PM20D2: variants seen among roughly 807,000 people sequenced by gnomAD.
The protein encoded by PM20D2 is peptidase M20 domain containing 2, also known as xaa-Arg dipeptidase.
Under a neutral mutation model 42.9 loss-of-function variants are expected in PM20D2, and 33 were observed. The observed-to-expected ratio is 0.77, with a 90% CI of 0.58 to 1.03. The LOEUF (loss-of-function observed/expected upper bound fraction) is 1.03, where lower values mean the gene tolerates loss of function less well. PM20D2 is among the 50% of genes least tolerant of loss of function. The pLI, the probability that PM20D2 is intolerant of heterozygous loss-of-function variation, is 0.00. For missense variants in PM20D2, 548 were observed against 557.0 expected, an observed-to-expected ratio of 0.98 and a Z score of 0.16; for synonymous variants, 250 against 228.2, an observed-to-expected ratio of 1.10 and a Z score of -0.86.
chr6:89,141,832 T>C (rs1227122413), upstream of PM20D2, among the ~76,000 whole-genome samples: 1 of 152,188 alleles, frequency 6.6e-6, no homozygotes, highest in Non-Finnish European at 1.5e-5. Flanking sequence ...GAGACAAAAG[T>C]CTCACTCTGT....
At chr6:89,127,904 AT>A in the PM20D2 span, among the ~76,000 whole-genome samples, 1 of 152,210 alleles carries the variant, frequency 6.6e-6, no homozygotes, top group African/African-American at 2.4e-5. Context: ...TACTTTTATA[AT>A]TTTTATGCCT....
At position 89,146,669 on chromosome 6, in the gene PM20D2, A is replaced by G. The variant is rs979563604; in HGVS notation, c.465+60A>G. ...CTGCCCGGGTCGGGGGCGACCCGGG[A>G]AGGGCGGGACTCTCGTGCGTCCCGC... On this transcript the variant is annotated intron_variant, in intron 1 of 6. Coordinates refer to ENST00000275072, the MANE Select transcript of PM20D2 (RefSeq NM_001010853.3). The G allele has an allele frequency of 3.1e-5, 40 of 1,291,950 alleles. No homozygotes were observed. In the Middle Eastern group the frequency reaches 1.9e-3, roughly 63 times the overall value. The allele number at this position is 1,291,950 out of a possible 1,614,324, so 80.0% of individuals were successfully genotyped here. A position where few individuals can be genotyped will look rare whatever the true frequency, so the allele number is the denominator to read the frequency against.
chr6:89,114,230 C>CT, the PM20D2 span, among the ~76,000 whole-genome samples: 1 of 152,274 alleles, frequency 6.6e-6, no homozygotes, highest in African/African-American at 2.4e-5. Flanking sequence ...GAGTTCGAGA[C>CT]CAGCCTGGCC....
chr6:89,127,755 TA>T, the PM20D2 span, among the ~76,000 whole-genome samples: 1 of 152,364 alleles, frequency 6.6e-6, no homozygotes, highest in African/African-American at 2.4e-5. Context: ...TGGGACTATT[TA>T]AATTTAAAAT....
chr6:89,162,367 T>TTTACTC lies in PM20D2; in HGVS notation c.*104_*105insTTACTC. ...TTTTTTAATCTTAAAGGAGTAAAAT[T>TTTACTC]CTTTTTACCTGATAAGTGAGGACAG... On this transcript the variant is annotated 3_prime_UTR_variant, in exon 7 of 7. Transcript: ENST00000275072. 8.7e-7 allele frequency: 1 copy of TTTACTC among 1,152,012 alleles called. No individual in the cohort carries two copies. The highest frequency in any genetic ancestry group is 1.2e-6 in the Non-Finnish European group (1 of 828,434). 71.4% of individuals were successfully genotyped at this position (1,152,012 alleles called of 1,614,324 possible).
chr6:89,122,950 T>C, the PM20D2 span, among the ~76,000 whole-genome samples: 2 of 152,326 alleles, frequency 1.3e-5, no homozygotes, highest in Non-Finnish European at 1.5e-5. Flanking sequence ...ACACAATCAG[T>C]TGGAGAATCT....
rs370935093 is a variant in PM20D2 at position 89,159,530 on chromosome 6, A to G, written c.1048+1070A>G. ...TGGGTCTCACTTCTCTACCCAGGGC[A>G]TTGACTGCTGAGATAGTGGAAGTAG... is the stretch of plus-strand genomic sequence containing the variant. On this transcript the variant is annotated intron_variant, in intron 5 of 6. Coordinates refer to ENST00000275072, the MANE Select transcript of PM20D2 (RefSeq NM_001010853.3). 9.8e-5 allele frequency among the ~76,000 whole-genome samples: 15 copies of G among 152,316 alleles called. 2 individuals are homozygous for G. The highest frequency in any genetic ancestry group is 3.9e-4 in the Admixed American group (6 of 15,292).
Position 89,146,604 on chromosome 6 carries a change from G to A in PM20D2, c.460G>A (p.Val154Met). The A allele has an allele frequency of 6.9e-7, 1 of 1,440,338 alleles. No homozygotes were observed. The highest frequency in any genetic ancestry group is 9.1e-7 in the Non-Finnish European group (1 of 1,103,298). 89.2% of individuals were successfully genotyped at this position (1,440,338 alleles called of 1,614,324 possible). ...GGGCCTCCCCAGGCCGCCTCCGCCC[G>A]TGAAGGTGAGGTGGGGCCCGGGTGC... ...LEGLPRPPPP[V>M]KVVVLGTPAE... Residue 154 changes from valine (V) to methionine (M), a missense_variant, in exon 1 of 7, where the codon GTG becomes ATG. Physicochemically the swap from Val to Met is conservative, Grantham distance 21. Coordinates refer to ENST00000275072, the MANE Select transcript of PM20D2 (RefSeq NM_001010853.3).
At chr6:89,107,062 A>G in the PM20D2 span, 1 of 1,191,412 alleles carries the variant, frequency 8.4e-7, no homozygotes. Context: ...TAATTAGGCA[A>G]TATTAATCTC....
chr6:89,137,251 C>A, the PM20D2 span, among the ~76,000 whole-genome samples: 10 of 152,174 alleles, frequency 6.6e-5, no homozygotes, highest in Non-Finnish European at 1.5e-4. Flanking sequence ...AGGCTGGATG[C>A]AATGGCTCAC....
the PM20D2 span, among the ~76,000 whole-genome samples, chr6:89,124,736 G>GTTTTTTTTTTTT: frequency 1.9e-4 from 21 of 108,442 alleles, 2 homozygotes; most frequent in South Asian, 3.5e-4. Context: ...TGCTGTTGTT[G>GTTTTTTTTTTTT]TTTTTTTTTT....
the PM20D2 span, among the ~76,000 whole-genome samples, chr6:89,115,512 C>T: frequency 1.3e-5 from 2 of 151,636 alleles, no homozygotes; most frequent in Non-Finnish European, 2.9e-5. Flanking sequence ...GAACCCCTCA[C>T]CTCAAGTGAT....
chr6:89,149,185 A>C, intron 1 of PM20D2, 80 bp from the exon 2 acceptor site: 1 of 1,498,394 alleles, frequency 6.7e-7, no homozygotes, highest in Non-Finnish European at 9.1e-7. Flanking sequence ...TAGATTGTGA[A>C]TACATATGCA....
Position 89,162,501 on chromosome 6 carries a change from T to C in PM20D2, c.*238T>C, listed in dbSNP as rs1361509849. 5.8e-6 allele frequency: 2 copies of C among 347,448 alleles called. No homozygotes were observed. Among genetic ancestry groups the C allele is most frequent in the South Asian group, 6.2e-5 (1 of 16,042 alleles). The allele number at this position is 347,448 out of a possible 1,614,324, so 21.5% of individuals were successfully genotyped here. ...GGAGCTGGTATGTGATGCCATTCTTTCTTTTTTTTTACCCCGCAACCACTC... is the reference window on the plus strand; with the variant it reads ...GGAGCTGGTATGTGATGCCATTCTTCCTTTTTTTTTACCCCGCAACCACTC... On this transcript the variant is annotated 3_prime_UTR_variant, in exon 7 of 7. Coordinates refer to ENST00000275072, the MANE Select transcript of PM20D2 (RefSeq NM_001010853.3).
intron 4 of PM20D2, among the ~76,000 whole-genome samples, chr6:89,156,661 C>A (rs1375988500): frequency 6.6e-6 from 1 of 151,422 alleles, no homozygotes; most frequent in Non-Finnish European, 1.5e-5. Context: ...GGGCTGTTAA[C>A]CTTGGAGGAA....
upstream of PM20D2, among the ~76,000 whole-genome samples, chr6:89,145,897 T>G (rs780709779): frequency 3.9e-5 from 6 of 152,208 alleles, no homozygotes; most frequent in Non-Finnish European, 5.9e-5. Context: ...TCCCGAGCCC[T>G]GCCTTCTCCA....
intron 2 of PM20D2, among the ~76,000 whole-genome samples, chr6:89,151,566 C>T (rs1770843795): frequency 6.6e-6 from 1 of 152,200 alleles, no homozygotes; most frequent in Non-Finnish European, 1.5e-5. Flanking sequence ...ATCCTGCTGA[C>T]CACCTTTCCC....
chr6:89,140,132 G>T, the PM20D2 span, among the ~76,000 whole-genome samples: 15 of 132,892 alleles, frequency 1.1e-4, no homozygotes, highest in Non-Finnish European at 1.9e-4. Context: ...TGTAGAGATG[G>T]GGGGGTGGTC....
the PM20D2 span, among the ~76,000 whole-genome samples, chr6:89,129,287 C>A: frequency 6.6e-6 from 1 of 152,014 alleles, no homozygotes; most frequent in Non-Finnish European, 1.5e-5. Context: ...GCATTCTACA[C>A]AGAATGAAAA....
Sources: allele counts gnomAD v4.1 joint callset (sites outside exome capture counted in the v4.1 genomes callset), GRCh38; gene constraint gnomAD v4.1.1; transcripts MANE v1.5; gene names NCBI Gene and HGNC (gene_info 2026-07-23, HGNC 2026-07-21).